MXI1: variants seen among roughly 807,000 people sequenced by gnomAD.
The protein encoded by MXI1 is max-interacting protein 1.
A neutral mutation model predicts 36.9 loss-of-function variants in MXI1; 18 were observed. The ratio of observed to expected loss-of-function variants is 0.49; its 90% CI spans 0.34 to 0.72. The LOEUF (loss-of-function observed/expected upper bound fraction) is 0.72, where lower values mean the gene tolerates loss of function less well. MXI1 is among the 30% of genes least tolerant of loss of function. The pLI, the probability that MXI1 is intolerant of heterozygous loss-of-function variation, is 0.01. For synonymous variants in MXI1, 160 were observed against 146.7 expected (o/e 1.09, Z -0.65); for missense variants, 304 against 379.1 (o/e 0.80, Z 1.64).
chr10:110,235,948 A>G (rs1036973613), intron 2 of MXI1, among the ~76,000 whole-genome samples: 5 of 151,954 alleles, frequency 3.3e-5, no homozygotes, highest in African/African-American at 1.2e-4. Flanking sequence ...TGGAGTCTAC[A>G]GTGAGTTGAG....
intron 3 of MXI1, among the ~76,000 whole-genome samples, chr10:110,255,184 A>G (rs577959297): frequency 6.6e-6 from 1 of 152,284 alleles, no homozygotes; most frequent in Admixed American, 6.5e-5. Context: ...CTAGGCCCTT[A>G]AGAATGAGGC....
intron 1 of MXI1, among the ~76,000 whole-genome samples, chr10:110,215,921 A>G (rs926589781): frequency 6.6e-6 from 1 of 152,176 alleles, no homozygotes; most frequent in Non-Finnish European, 1.5e-5. Context: ...AGAGGCTTCA[A>G]TTCCCTGTCC....
chr10:110,242,405 A>G (rs1855700929), intron 2 of MXI1, among the ~76,000 whole-genome samples: 1 of 152,066 alleles, frequency 6.6e-6, no homozygotes, highest in Admixed American at 6.6e-5. Context: ...CATTACAGGT[A>G]AAAACCCATC....
chr10:110,244,015 A>G (rs995946002), intron 2 of MXI1, among the ~76,000 whole-genome samples: 1 of 152,070 alleles, frequency 6.6e-6, no homozygotes, highest in African/African-American at 2.4e-5. Flanking sequence ...GGAGAGGAGT[A>G]TATTTCTTGA....
At chr10:110,250,451 C>G (rs1330176321) in intron 3 of MXI1, among the ~76,000 whole-genome samples, 1 of 152,160 alleles carries the variant, frequency 6.6e-6, no homozygotes, top group East Asian at 1.9e-4. Flanking sequence ...CCAGATAAGA[C>G]ACAATTCAGT....
chr10:110,276,824 CCTTT>C (rs1278819207), intron 3 of MXI1, among the ~76,000 whole-genome samples: 55 of 151,246 alleles, frequency 3.6e-4, no homozygotes, highest in Admixed American at 1.7e-3. Context: ...TTTTGATTTT[CCTTT>C]CTTTCTTTTC....
At chr10:110,261,924 CTAAA>C (rs1212676112) in intron 3 of MXI1, among the ~76,000 whole-genome samples, 1 of 151,950 alleles carries the variant, frequency 6.6e-6, no homozygotes, top group African/African-American at 2.4e-5. Context: ...AGGGGAATGA[CTAAA>C]TAAATGATGA....
intron 4 of MXI1, 131 bp downstream of exon 4, chr10:110,279,425 C>A: frequency 1.4e-6 from 1 of 728,908 alleles, no homozygotes; most frequent in Non-Finnish European, 2.3e-6. Flanking sequence ...AGAAGTCTTT[C>A]TAAAAACTTA....
intron 1 of MXI1, among the ~76,000 whole-genome samples, chr10:110,211,348 T>TG (rs1854510200): frequency 6.6e-6 from 1 of 151,690 alleles, no homozygotes; most frequent in Non-Finnish European, 1.5e-5. Context: ...GGAGGCTGGG[T>TG]GGGGGGTGGA....
chr10:110,231,161 G>T (rs961783357), intron 2 of MXI1, among the ~76,000 whole-genome samples: 11 of 152,176 alleles, frequency 7.2e-5, no homozygotes, highest in Admixed American at 6.5e-5. Context: ...GAGGTCAGGA[G>T]TTCGAGACCA....
intron 2 of MXI1, among the ~76,000 whole-genome samples, chr10:110,231,362 AC>A (rs201426609): frequency 0.086 from 10,994 of 127,174 alleles, 403 homozygotes; most frequent in Middle Eastern, 0.18. Flanking sequence ...GTGATAATCC[AC>A]CCCCCCCCCC....
At chr10:110,257,103 A>T (rs1856328122) in intron 3 of MXI1, 1 of 152,140 alleles carries the variant, frequency 6.6e-6, no homozygotes, top group African/African-American at 2.4e-5. Flanking sequence ...CTCCTGATAT[A>T]CGTTCTCTGG....
chr10:110,265,704 G>A (rs192559225), intron 3 of MXI1, among the ~76,000 whole-genome samples: 6 of 152,338 alleles, frequency 3.9e-5, no homozygotes. Context: ...CCTATAAGCA[G>A]CATATAATTA....
At chr10:110,210,144 G>A (rs1159026198) in intron 1 of MXI1, 1 of 604,530 alleles carries the variant, frequency 1.7e-6, no homozygotes, top group Non-Finnish European at 2.1e-6. Context: ...CGGGCGCGCC[G>A]GGCTTGGGCT....
At chr10:110,278,800 G>T (rs1369696474) in intron 3 of MXI1, among the ~76,000 whole-genome samples, 3 of 151,932 alleles carry the variant, frequency 2.0e-5, no homozygotes, top group Admixed American at 2.0e-4. Context: ...ATATTCCCTT[G>T]GGGTACCATA....
At chr10:110,272,121 G>GTA (rs928872676) in intron 3 of MXI1, among the ~76,000 whole-genome samples, 2 of 152,194 alleles carry the variant, frequency 1.3e-5, no homozygotes, top group South Asian at 2.1e-4. Context: ...CTGGGATGTA[G>GTA]TACAGGTTGA....
chr10:110,214,449 T>C (rs2134326267), intron 1 of MXI1, among the ~76,000 whole-genome samples: 1 of 151,972 alleles, frequency 6.6e-6, no homozygotes. Context: ...GTCTGTCCTC[T>C]GGGCATATTA....
intron 2 of MXI1, among the ~76,000 whole-genome samples, chr10:110,235,139 G>A (rs926206117): frequency 2.6e-5 from 4 of 152,130 alleles, no homozygotes; most frequent in African/African-American, 4.8e-5. Flanking sequence ...AATGAGAAGC[G>A]TTTCTTGCTA....
chr10:110,242,941 T>C (rs530587799), intron 2 of MXI1, among the ~76,000 whole-genome samples: 3 of 152,126 alleles, frequency 2.0e-5, no homozygotes, highest in African/African-American at 7.2e-5. Context: ...TTTTGTTTTG[T>C]TTTTAGTTTT....
Sources: allele counts gnomAD v4.1 joint callset (sites outside exome capture counted in the v4.1 genomes callset), GRCh38; gene constraint gnomAD v4.1.1; transcripts MANE v1.5; gene names NCBI Gene and HGNC (gene_info 2026-07-23, HGNC 2026-07-21).